The following EXOC6B variants were observed in gnomAD, a reference collection of about 807,000 sequenced individuals.
The protein encoded by EXOC6B is exocyst complex component 6B.
EXOC6B carries 54 observed loss-of-function variants against 113.5 expected under a neutral mutation model. The observed-to-expected ratio is 0.48, with a 90% CI of 0.38 to 0.60. The LOEUF (loss-of-function observed/expected upper bound fraction) is 0.60, where lower values mean the gene tolerates loss of function less well. EXOC6B is among the 20% of genes least tolerant of loss of function. The probability of loss-of-function intolerance (pLI) is 0.00; values close to 1 mark genes in which losing one functional copy is unlikely to be tolerated. For missense variants in EXOC6B, 797 were observed against 977.5 expected, an observed-to-expected ratio of 0.82 and a Z score of 2.46; for synonymous variants, 357 against 339.0, an observed-to-expected ratio of 1.05 and a Z score of -0.58.
At chr2:72,473,575 T>C (rs989994468) in intron 17 of EXOC6B, among the ~76,000 whole-genome samples, 6 of 152,146 alleles carry the variant, frequency 3.9e-5, no homozygotes, top group Non-Finnish European at 8.8e-5. Flanking sequence ...TAAAGGTAAA[T>C]TATGTTTCTT....
chr2:72,435,271 CTGTT>C (rs1211367366), intron 18 of EXOC6B, among the ~76,000 whole-genome samples: 4 of 152,112 alleles, frequency 2.6e-5, no homozygotes, highest in Non-Finnish European at 4.4e-5. Context: ...GTCGGAGAGA[CTGTT>C]TGTTATGATT....
chr2:72,545,469 A>G (rs550897273), intron 8 of EXOC6B, among the ~76,000 whole-genome samples: 126 of 152,300 alleles, frequency 8.3e-4, no homozygotes, highest in Non-Finnish European at 1.5e-3. Flanking sequence ...ATTACACTAA[A>G]TTTGTTTGTT....
chr2:72,405,357 C>T (rs1013851008), intron 18 of EXOC6B, among the ~76,000 whole-genome samples: 2 of 152,266 alleles, frequency 1.3e-5, no homozygotes, highest in Non-Finnish European at 2.9e-5. Context: ...GAGAACGCCA[C>T]AAAGATACTC....
At chr2:72,403,387 G>A (rs922688983) in intron 18 of EXOC6B, among the ~76,000 whole-genome samples, 2 of 152,222 alleles carry the variant, frequency 1.3e-5, no homozygotes, top group Middle Eastern at 3.4e-3. Flanking sequence ...AATAATTTGT[G>A]CATAAAACAT....
At chr2:72,252,123 C>G (rs1012025350) in intron 20 of EXOC6B, among the ~76,000 whole-genome samples, 21 of 152,232 alleles carry the variant, frequency 1.4e-4, no homozygotes, top group African/African-American at 4.8e-4. Context: ...CATTATCTTT[C>G]AATTATTCTA....
chr2:72,700,071 A>G (rs1477806111), intron 6 of EXOC6B, among the ~76,000 whole-genome samples: 1 of 152,156 alleles, frequency 6.6e-6, no homozygotes, highest in East Asian at 1.9e-4. Flanking sequence ...CAATGTAAAA[A>G]CTATGCAAAT....
At chr2:72,494,275 C>A (rs1699915020) in intron 15 of EXOC6B, among the ~76,000 whole-genome samples, 1 of 151,672 alleles carries the variant, frequency 6.6e-6, no homozygotes, top group South Asian at 2.1e-4. Context: ...CAATAATATA[C>A]CTAACATACC....
rs769769831 is a variant in EXOC6B at position 72,226,247 on chromosome 2, G to T, written c.2197-42060C>A. Among the ~76,000 whole-genome samples, 61 of 152,250 alleles carry T rather than the reference G, an allele frequency of 4.0e-4. 1 individual carries two copies. The highest frequency in any genetic ancestry group is 7.2e-4 in the Non-Finnish European group (49 of 68,004). On this transcript the variant is annotated intron_variant, in intron 20 of 21. Coordinates refer to ENST00000272427, the MANE Select transcript of EXOC6B (RefSeq NM_015189.3). The stretch of plus-strand genomic sequence containing the variant: ...AAATGGCATTAGTAGAAAAACTAAT[G>T]AAATTCAAATAAAGTCTACAGTTTA...
intron 8 of EXOC6B, among the ~76,000 whole-genome samples, chr2:72,557,260 G>GA (rs1241529712): frequency 1.4e-4 from 12 of 85,130 alleles, no homozygotes; most frequent in South Asian, 4.1e-4. Context: ...TGAATGAATG[G>GA]AAAAAAATAT....
At chr2:72,489,639 C>A (rs1414222906) in intron 16 of EXOC6B, among the ~76,000 whole-genome samples, 1 of 152,122 alleles carries the variant, frequency 6.6e-6, no homozygotes. Flanking sequence ...ACAGCTATTA[C>A]GAGGAGGGCC....
chr2:72,371,267 AAAG>A (rs1203280235), intron 19 of EXOC6B, among the ~76,000 whole-genome samples: 2 of 152,242 alleles, frequency 1.3e-5, no homozygotes, highest in Admixed American at 6.5e-5. Flanking sequence ...TCAAACATCT[AAAG>A]AAGAACTAAT....
At chr2:72,434,396 A>G (rs589547) in intron 18 of EXOC6B, among the ~76,000 whole-genome samples, 54,865 of 152,000 alleles carry the variant, frequency 0.36, 14,554 homozygotes, top group African/African-American at 0.75. Context: ...CCAGGTCATC[A>G]TATCAGGATG....
At chr2:72,180,855 A>T (rs910026948) in intron 21 of EXOC6B, among the ~76,000 whole-genome samples, 1 of 152,186 alleles carries the variant, frequency 6.6e-6, no homozygotes, top group African/African-American at 2.4e-5. Context: ...TATGGCAAAA[A>T]GGTTCTAATG....
intron 6 of EXOC6B, among the ~76,000 whole-genome samples, chr2:72,695,160 C>G (rs1677782734): frequency 6.6e-6 from 1 of 152,192 alleles, no homozygotes; most frequent in Non-Finnish European, 1.5e-5. Flanking sequence ...GTTAATCTCT[C>G]TGGCTACATG....
chr2:72,434,157 A>G (rs1695714585), intron 18 of EXOC6B, among the ~76,000 whole-genome samples: 1 of 152,166 alleles, frequency 6.6e-6, no homozygotes, highest in African/African-American at 2.4e-5. Flanking sequence ...ATCCATTGAG[A>G]TAATCATGTG....
chr2:72,443,314 T>C (rs1321657626), intron 18 of EXOC6B, among the ~76,000 whole-genome samples: 6 of 132,082 alleles, frequency 4.5e-5, no homozygotes, highest in African/African-American at 2.0e-4. Flanking sequence ...CAGAGCGAGA[T>C]TCTGTCAAAA....
intron 6 of EXOC6B, among the ~76,000 whole-genome samples, chr2:72,592,619 C>A (rs1706043729): frequency 6.6e-6 from 1 of 152,138 alleles, no homozygotes; most frequent in Non-Finnish European, 1.5e-5. Flanking sequence ...TTTCTACAAA[C>A]AATTTTGACA....
rs567179611 is a variant in EXOC6B, at chr2:72,551,791, C to T, written c.915+7662G>A. On this transcript the variant is annotated intron_variant, in intron 8 of 21. Coordinates refer to ENST00000272427, the MANE Select transcript of EXOC6B (RefSeq NM_015189.3). The stretch of plus-strand genomic sequence containing the variant: ...GATTACAGGCGTGAGCCACCGCGCC[C>T]GGCCATTAAAATCTTAATAGCTTAT... Among the ~76,000 whole-genome samples the T allele has an allele frequency of 1.0e-3, 153 of 152,162 alleles. 1 individual carries two copies. The highest frequency in any genetic ancestry group is 6.8e-3 in the Middle Eastern group (2 of 294).
At chr2:72,323,669 G>T (rs1687970717) in intron 20 of EXOC6B, among the ~76,000 whole-genome samples, 1 of 152,066 alleles carries the variant, frequency 6.6e-6, no homozygotes, top group African/African-American at 2.4e-5. Flanking sequence ...AAAAGGATGA[G>T]TTCATGTCCT....
Sources: gnomAD v4.1 joint callset for allele counts (sites outside exome capture counted in the v4.1 genomes callset) on GRCh38, gnomAD v4.1.1 for gene constraint, MANE v1.5 for transcripts, NCBI Gene and HGNC (gene_info 2026-07-23, HGNC 2026-07-21) for gene names.